RNF180: variants seen among roughly 807,000 people sequenced by gnomAD.
RNF180 encodes E3 ubiquitin-protein ligase RNF180.
Under a neutral mutation model 59.2 loss-of-function variants are expected in RNF180, and 38 were observed. That is an observed-to-expected ratio of 0.64 (90% CI 0.50 to 0.84). The LOEUF (loss-of-function observed/expected upper bound fraction) is 0.84, where lower values mean the gene tolerates loss of function less well. Ranked by LOEUF, RNF180 falls within the 40% of genes least tolerant of loss-of-function variation. RNF180 has a pLI of 0.00. For synonymous variants in RNF180, 262 were observed against 240.3 expected (o/e 1.09, Z -0.84); for missense variants, 705 against 700.9 (o/e 1.01, Z -0.07).
At chr5:64,197,273 A>G (rs958836330) in intron 1 of RNF180, among the ~76,000 whole-genome samples, 5 of 152,216 alleles carry the variant, frequency 3.3e-5, no homozygotes, top group Admixed American at 2.0e-4. Context: ...GTTATTGAGA[A>G]GTAAGATTTT....
In RNF180 at chr5:64,214,472, T is replaced by C. The variant is rs142746283; in HGVS notation, c.1146T>C (p.Asn382=). Residue 382 remains asparagine (N), a synonymous_variant, in exon 4 of 8, where the codon AAT becomes AAC. Coordinates refer to ENST00000389100, the MANE Select transcript of RNF180 (RefSeq NM_001113561.2). ...AGAGAGAAAGGAGCAAGTTGAAGAA[T>C]CTAAGAAGGAAACAACGAAGGCGTG... ...LNKRERSKLK[N]LRRKQRRRER... 4.1e-4 allele frequency: 665 copies of C among 1,613,880 alleles called. No individual in the cohort carries two copies. Among genetic ancestry groups the C allele is most frequent in the Middle Eastern group, 8.3e-4 (5 of 6,058 alleles).
At chr5:64,306,096 A>AT (rs1213502811) in intron 5 of RNF180, among the ~76,000 whole-genome samples, 1 of 151,682 alleles carries the variant, frequency 6.6e-6, no homozygotes, top group Non-Finnish European at 1.5e-5. Flanking sequence ...GCTGTATTGT[A>AT]TTTTTATACT....
chr5:64,321,709 C>T (rs371132486), intron 5 of RNF180, among the ~76,000 whole-genome samples: 1 of 152,110 alleles, frequency 6.6e-6, no homozygotes, highest in African/African-American at 2.4e-5. Flanking sequence ...ATAGCCAAGA[C>T]AATCCTAAGC....
intron 5 of RNF180, among the ~76,000 whole-genome samples, chr5:64,245,270 A>T (rs1743081169): frequency 6.6e-6 from 1 of 152,226 alleles, no homozygotes; most frequent in African/African-American, 2.4e-5. Flanking sequence ...ACATAACAAT[A>T]TTAACCTTAA....
At position 64,294,029 on chromosome 5, in the gene RNF180, A is replaced by G. The variant is rs560259064; in HGVS notation, c.1228-31157A>G. On this transcript the variant is annotated intron_variant, in intron 5 of 7. Coordinates refer to ENST00000389100, the MANE Select transcript of RNF180 (RefSeq NM_001113561.2). Reference sequence around the variant, plus strand: ...ATGTATGCGTGATGCATGGGCCTACATACTTCAAAATGACCTGCAGGAATC... The same window carrying G: ...ATGTATGCGTGATGCATGGGCCTACGTACTTCAAAATGACCTGCAGGAATC... 3.3e-5 allele frequency among the ~76,000 whole-genome samples: 5 copies of G among 152,318 alleles called. No individual in the cohort carries two copies. In the East Asian group the frequency reaches 9.6e-4, roughly 29 times the overall value.
chr5:64,304,406 A>T (rs11958206), intron 5 of RNF180, among the ~76,000 whole-genome samples: 67,263 of 151,454 alleles, frequency 0.44, 16,330 homozygotes, highest in African/African-American at 0.65. Context: ...GGATTCATCA[A>T]TCTAGATGCC....
intron 5 of RNF180, among the ~76,000 whole-genome samples, chr5:64,316,327 T>G (rs1333106604): frequency 6.6e-6 from 1 of 152,162 alleles, no homozygotes; most frequent in African/African-American, 2.4e-5. Context: ...CATTAAATAT[T>G]TATCTCCTAC....
intron 5 of RNF180, among the ~76,000 whole-genome samples, chr5:64,324,422 G>A (rs902577937): frequency 9.8e-5 from 15 of 152,322 alleles, no homozygotes; most frequent in Middle Eastern, 3.4e-3. Context: ...CCCCACAAAC[G>A]TGGGGACAAC....
chr5:64,182,903 C>T (rs1439745879), intron 1 of RNF180, among the ~76,000 whole-genome samples: 2 of 152,124 alleles, frequency 1.3e-5, no homozygotes, highest in African/African-American at 4.8e-5. Context: ...AGAGTACTTC[C>T]GATGTCACGT....
intron 5 of RNF180, among the ~76,000 whole-genome samples, chr5:64,317,511 G>GC (rs1744102372): frequency 6.7e-6 from 1 of 150,314 alleles, no homozygotes; most frequent in Non-Finnish European, 1.5e-5. Context: ...ATAAAGCCAA[G>GC]CATGATCAAG....
At chr5:64,250,393 T>C (rs922764954) in intron 5 of RNF180, among the ~76,000 whole-genome samples, 2 of 151,952 alleles carry the variant, frequency 1.3e-5, no homozygotes, top group Non-Finnish European at 2.9e-5. Context: ...AACCCAAAGT[T>C]AGTAGAAGGA....
intron 7 of RNF180, among the ~76,000 whole-genome samples, chr5:64,363,570 G>T (rs1349212102): frequency 1.3e-5 from 2 of 151,770 alleles, no homozygotes; most frequent in African/African-American, 4.8e-5. Flanking sequence ...GGCTATTCAG[G>T]CTCTTTTTTG....
rs192097650 is a variant in RNF180 at position 64,321,998 on chromosome 5, A to G, written c.1228-3188A>G. On this transcript the variant is annotated intron_variant, in intron 5 of 7. Coordinates refer to ENST00000389100, the MANE Select transcript of RNF180 (RefSeq NM_001113561.2). ...GGACTCCTTCCTTACACCTTATATA[A>G]AAATTAACTCAAGGTGGATTAAAGA... Among the ~76,000 whole-genome samples, 100 of 152,362 alleles carry G rather than the reference A, an allele frequency of 6.6e-4. 1 individual carries two copies. The highest frequency in any genetic ancestry group is 2.4e-3 in the African/African-American group (98 of 41,586).
intron 5 of RNF180, among the ~76,000 whole-genome samples, chr5:64,316,184 A>G (rs1314750473): frequency 1.3e-5 from 2 of 152,326 alleles, no homozygotes; most frequent in African/African-American, 4.8e-5. Context: ...AGCTGAGATC[A>G]CAGGCACATG....
At chr5:64,253,818 C>T (rs1017118110) in intron 5 of RNF180, among the ~76,000 whole-genome samples, 1 of 152,012 alleles carries the variant, frequency 6.6e-6, no homozygotes, top group South Asian at 2.1e-4. Context: ...AAAGTAATAT[C>T]GGCATATTAA....
chr5:64,284,399 C>A (rs1360031209), intron 5 of RNF180, among the ~76,000 whole-genome samples: 1 of 152,124 alleles, frequency 6.6e-6, no homozygotes, highest in Non-Finnish European at 1.5e-5. Context: ...TGAATGTTGA[C>A]CTCTCATGAG....
At chr5:64,278,926 A>G (rs1447811176) in intron 5 of RNF180, among the ~76,000 whole-genome samples, 1 of 152,112 alleles carries the variant, frequency 6.6e-6, no homozygotes, top group Non-Finnish European at 1.5e-5. Context: ...GGTATGATGG[A>G]TATCTAATAG....
intron 5 of RNF180, among the ~76,000 whole-genome samples, chr5:64,265,276 G>T (rs1027539661): frequency 3.9e-5 from 6 of 152,102 alleles, no homozygotes; most frequent in Non-Finnish European, 7.4e-5. Flanking sequence ...ATGGCTTTTG[G>T]TGTTTTAGTC....
intron 5 of RNF180, among the ~76,000 whole-genome samples, chr5:64,275,512 A>G (rs1159874179): frequency 5.3e-5 from 8 of 151,594 alleles, no homozygotes; most frequent in African/African-American, 1.9e-4. Flanking sequence ...AAAGTCACAT[A>G]TTTAGAAAAT....
Sources: allele counts gnomAD v4.1 joint callset (sites outside exome capture counted in the v4.1 genomes callset), GRCh38; gene constraint gnomAD v4.1.1; transcripts MANE v1.5; gene names NCBI Gene and HGNC (gene_info 2026-07-23, HGNC 2026-07-21).